The following XXYLT1 variants were observed in gnomAD, a reference collection of about 807,000 sequenced individuals.
XXYLT1 encodes xyloside xylosyltransferase 1, also known as UDP-xylose:alpha-xyloside alpha-1,3-xylosyltransferase.
Under a neutral mutation model 28.9 loss-of-function variants are expected in XXYLT1, and 20 were observed. The ratio of observed to expected loss-of-function variants is 0.69; its 90% CI spans 0.49 to 1.00. XXYLT1 has a LOEUF of 1.00. Ranked by LOEUF, XXYLT1 falls within the 50% of genes least tolerant of loss-of-function variation. The pLI, the probability that XXYLT1 is intolerant of heterozygous loss-of-function variation, is 0.00. For missense variants in XXYLT1, 542 were observed against 560.1 expected, an observed-to-expected ratio of 0.97 and a Z score of 0.33; for synonymous variants, 257 against 253.8, an observed-to-expected ratio of 1.01 and a Z score of -0.12.
intron 2 of XXYLT1, among the ~76,000 whole-genome samples, chr3:195,164,983 T>A (rs1721045571): frequency 6.6e-6 from 1 of 152,060 alleles, no homozygotes. Flanking sequence ...GAGTCTGTAT[T>A]TCCAGTGAAA....
At chr3:195,201,155 T>A (rs974890015) in intron 2 of XXYLT1, among the ~76,000 whole-genome samples, 1 of 152,208 alleles carries the variant, frequency 6.6e-6, no homozygotes, top group Non-Finnish European at 1.5e-5. Context: ...CTGGCCTGGA[T>A]AACCACAAGC....
chr3:195,223,474 C>A (rs750344982), intron 2 of XXYLT1, among the ~76,000 whole-genome samples: 5 of 152,118 alleles, frequency 3.3e-5, no homozygotes, highest in Non-Finnish European at 7.4e-5. Flanking sequence ...TGGAGAAAAA[C>A]GAATGCTATG....
At position 195,175,838 on chromosome 3, in the gene XXYLT1, T is replaced by G. The variant is rs1184926063; in HGVS notation, c.653-19257A>C. On this transcript the variant is annotated intron_variant, in intron 2 of 3. Coordinates refer to ENST00000310380, the MANE Select transcript of XXYLT1 (RefSeq NM_152531.5). ...GTGGCCTCGATTCCCGAGTCACTGCTTAAAAGGAAGATGTCCTAGAAAGCC... is the reference window on the plus strand; with the variant it reads ...GTGGCCTCGATTCCCGAGTCACTGCGTAAAAGGAAGATGTCCTAGAAAGCC... 2.1e-6 allele frequency: 3 copies of G among 1,413,568 alleles called. No individual in the cohort carries two copies. In the African/African-American group the frequency reaches 4.4e-5, roughly 21 times the overall value. 87.6% of individuals were successfully genotyped at this position (1,413,568 alleles called of 1,614,324 possible).
At chr3:195,205,005 G>A (rs1723010766) in intron 2 of XXYLT1, among the ~76,000 whole-genome samples, 1 of 152,252 alleles carries the variant, frequency 6.6e-6, no homozygotes, top group African/African-American at 2.4e-5. Context: ...GGTGGAGGGA[G>A]AGAGGACCTC....
intron 3 of XXYLT1, among the ~76,000 whole-genome samples, chr3:195,112,611 G>A (rs28500651): frequency 0.024 from 2,250 of 92,684 alleles, 54 homozygotes; most frequent in African/African-American, 0.06. Flanking sequence ...GCACACACAC[G>A]CACACATGTG....
At chr3:195,208,485 CA>C (rs138992474) in intron 2 of XXYLT1, among the ~76,000 whole-genome samples, 3,804 of 151,794 alleles carry the variant, frequency 0.025, 175 homozygotes, top group African/African-American at 0.087. Flanking sequence ...CCAACCACAA[CA>C]AAAAAAATGA....
intron 3 of XXYLT1, among the ~76,000 whole-genome samples, chr3:195,083,592 TGAC>T (rs1369414867): frequency 6.6e-6 from 1 of 152,038 alleles, no homozygotes; most frequent in Admixed American, 6.5e-5. Flanking sequence ...CCCAGAAAAA[TGAC>T]GAGGAGGAGG....
At position 195,255,347 on chromosome 3, in the gene XXYLT1, C is replaced by T. The variant is rs570318846; in HGVS notation, c.504+15208G>A. On this transcript the variant is annotated intron_variant, in intron 1 of 3. Transcript: ENST00000310380. The surrounding 1 kb of genome is among the most constrained non-coding windows in gnomAD (Gnocchi z 4.5). ...CCCTACCCCACACGGCTCGCACCCA[C>T]GAGCTCAGCCCCCAGCAGGACCCAG... Among the ~76,000 whole-genome samples the T allele has an allele frequency of 2.9e-4, 44 of 152,186 alleles. No homozygotes were observed. The highest frequency in any genetic ancestry group is 5.4e-4 in the Non-Finnish European group (37 of 68,028).
chr3:195,233,282 G>A (rs1368687551), intron 1 of XXYLT1, among the ~76,000 whole-genome samples: 1 of 151,868 alleles, frequency 6.6e-6, no homozygotes, highest in African/African-American at 2.4e-5. Flanking sequence ...TGTGTTTCCT[G>A]TAGGCAATAG....
intron 3 of XXYLT1, among the ~76,000 whole-genome samples, chr3:195,089,661 A>G (rs577951908): frequency 6.6e-6 from 1 of 152,260 alleles, no homozygotes; most frequent in Non-Finnish European, 1.5e-5. Flanking sequence ...GACAGGATCA[A>G]ATTCACACAT....
intron 2 of XXYLT1, among the ~76,000 whole-genome samples, chr3:195,221,555 T>C (rs1373699675): frequency 6.6e-6 from 1 of 152,186 alleles, no homozygotes; most frequent in South Asian, 2.1e-4. Flanking sequence ...CCTAGAGCCC[T>C]GCTGCTTGTC....
At chr3:195,253,654 A>G (rs1725361178) in intron 1 of XXYLT1, among the ~76,000 whole-genome samples, 1 of 151,750 alleles carries the variant, frequency 6.6e-6, no homozygotes, top group African/African-American at 2.4e-5. Flanking sequence ...GCCCACCACC[A>G]CGCCTGGCCA....
intron 3 of XXYLT1, among the ~76,000 whole-genome samples, chr3:195,114,529 C>T (rs936634181): frequency 6.6e-6 from 1 of 152,196 alleles, no homozygotes; most frequent in Admixed American, 6.5e-5. Flanking sequence ...ACATCTGTCC[C>T]CCTACACCCA....
chr3:195,167,905 C>T (rs1195073353), intron 2 of XXYLT1, among the ~76,000 whole-genome samples: 2 of 152,250 alleles, frequency 1.3e-5, no homozygotes, highest in African/African-American at 2.4e-5. Flanking sequence ...AGCAATGACC[C>T]GCTTAGAAAA....
chr3:195,208,657 C>T (rs987934718), intron 2 of XXYLT1, among the ~76,000 whole-genome samples: 22 of 152,112 alleles, frequency 1.4e-4, no homozygotes, highest in Non-Finnish European at 2.9e-4. Context: ...GAAGTGTAGA[C>T]AGAAACAATT....
intron 3 of XXYLT1, among the ~76,000 whole-genome samples, chr3:195,080,541 G>A (rs748986411): frequency 9.9e-5 from 15 of 151,460 alleles, no homozygotes; most frequent in Non-Finnish European, 1.5e-4. Context: ...ATTTAAGGGA[G>A]CGGGGGTGGG....
intron 3 of XXYLT1, among the ~76,000 whole-genome samples, chr3:195,106,782 G>A (rs1717118627): frequency 6.6e-6 from 1 of 152,222 alleles, no homozygotes; most frequent in Non-Finnish European, 1.5e-5. Context: ...GTCTGCCTCA[G>A]GACCATCAAG....
intron 3 of XXYLT1, among the ~76,000 whole-genome samples, chr3:195,085,503 A>G (rs772681349): frequency 7.2e-4 from 109 of 152,236 alleles, no homozygotes; most frequent in Non-Finnish European, 1.2e-3. Context: ...CCGCGGTGGG[A>G]GGGGGGAGTC....
intron 2 of XXYLT1, among the ~76,000 whole-genome samples, chr3:195,225,226 T>C (rs1723997358): frequency 6.6e-6 from 1 of 152,194 alleles, no homozygotes; most frequent in Non-Finnish European, 1.5e-5. Context: ...CTAGGCCCTG[T>C]CGGTGAGCTC....
Sources: allele counts gnomAD v4.1 joint callset (sites outside exome capture counted in the v4.1 genomes callset), GRCh38; gene constraint gnomAD v4.1.1; non-coding constraint Gnocchi (gnomAD v3.1); transcripts MANE v1.5; gene names NCBI Gene and HGNC (gene_info 2026-07-23, HGNC 2026-07-21).